The following DHX35 variants were observed in gnomAD, a reference collection of about 807,000 sequenced individuals.
The protein encoded by DHX35 is probable ATP-dependent RNA helicase DHX35.
Under a neutral mutation model 99.6 loss-of-function variants are expected in DHX35, and 84 were observed. The ratio of observed to expected loss-of-function variants is 0.84; its 90% CI spans 0.71 to 1.01. The LOEUF (loss-of-function observed/expected upper bound fraction) is 1.01. Ranked by LOEUF, DHX35 falls within the 50% of genes least tolerant of loss-of-function variation. The pLI, the probability that DHX35 is intolerant of heterozygous loss-of-function variation, is 0.00. For missense variants in DHX35, 852 were observed against 888.5 expected (o/e 0.96, Z 0.52); for synonymous variants, 331 against 316.2 (o/e 1.05, Z -0.50).
chr20:39,030,461 T>G lies in DHX35; in HGVS notation c.1884-243T>G, dbSNP rs367699074. ...GGCAGAGCATTTTATTCCTAAATGT[T>G]TTTTCTAAGTGTCCGCGTGTTGCTT... On this transcript the variant is annotated intron_variant, in intron 19 of 21. Transcript: ENST00000252011. The G allele has an allele frequency of 6.5e-5, 33 of 509,402 alleles. 1 individual carries two copies. The highest frequency in any genetic ancestry group is 6.3e-4 in the African/African-American group (33 of 52,212). The allele number at this position is 509,402 out of a possible 1,614,324, so 31.6% of individuals were successfully genotyped here. A position where few individuals can be genotyped will look rare whatever the true frequency, so the allele number is the denominator to read the frequency against.
At chr20:38,982,926 T>A (rs1003372257) in intron 3 of DHX35, among the ~76,000 whole-genome samples, 20 of 133,078 alleles carry the variant, frequency 1.5e-4, no homozygotes, top group African/African-American at 4.8e-4. Context: ...CTTAATCAAA[T>A]TTTTTTTTTT....
chr20:38,979,317 A>G (rs2145851112), intron 3 of DHX35, among the ~76,000 whole-genome samples: 1 of 152,312 alleles, frequency 6.6e-6, no homozygotes, highest in African/African-American at 2.4e-5. Flanking sequence ...AGATATTTTT[A>G]TAGAATAAAT....
At chr20:38,970,857 A>C (rs906975139) in intron 2 of DHX35, among the ~76,000 whole-genome samples, 1 of 152,160 alleles carries the variant, frequency 6.6e-6, no homozygotes, top group African/African-American at 2.4e-5. Flanking sequence ...AAAAAAAAAA[A>C]AGCAACAAGA....
At chr20:38,970,143 G>A (rs895344535) in intron 2 of DHX35, among the ~76,000 whole-genome samples, 2 of 152,084 alleles carry the variant, frequency 1.3e-5, no homozygotes, top group East Asian at 1.9e-4. Context: ...GGCTGGTCAC[G>A]AACCCCTGAG....
At chr20:38,966,303 T>C (rs1601353650) in intron 1 of DHX35, among the ~76,000 whole-genome samples, 1 of 152,358 alleles carries the variant, frequency 6.6e-6, no homozygotes, top group Non-Finnish European at 1.5e-5. Flanking sequence ...GCAGCCCTGA[T>C]GTTCTGGTTT....
chr20:38,983,818 C>G (rs1295507159), intron 4 of DHX35, 42 bp downstream of exon 4: 1 of 1,551,316 alleles, frequency 6.4e-7, no homozygotes, highest in Non-Finnish European at 8.8e-7. Context: ...TCTGTGTTGT[C>G]TACATTTGTG....
intron 18 of DHX35, among the ~76,000 whole-genome samples, chr20:39,027,131 A>G (rs939393047): frequency 5.9e-5 from 9 of 152,176 alleles, no homozygotes; most frequent in African/African-American, 2.2e-4. Flanking sequence ...ACCCCTGTTT[A>G]GAGTGCATAT....
chr20:38,972,290 C>A lies in DHX35; in HGVS notation c.175-269C>A, dbSNP rs2086013830. The stretch of plus-strand genomic sequence containing the variant: ...CCTCCCAAAGTGCTGGGATTGCAGG[C>A]GTGAGCCACCTCACCCGGCCTATAA... On this transcript the variant is annotated intron_variant, in intron 2 of 21. Transcript: ENST00000252011. Among the ~76,000 whole-genome samples the A allele has an allele frequency of 2.0e-5, 3 of 151,996 alleles. No individual in the cohort carries two copies. In the South Asian group the frequency reaches 6.2e-4, roughly 32 times the overall value.
intron 3 of DHX35, among the ~76,000 whole-genome samples, chr20:38,981,041 A>G (rs1478932219): frequency 6.6e-6 from 1 of 152,216 alleles, no homozygotes; most frequent in Non-Finnish European, 1.5e-5. Context: ...CAAGAATACT[A>G]CAGAAATGAT....
At position 38,991,498 on chromosome 20, in the gene DHX35, G is replaced by A. The variant is rs757026323; in HGVS notation, c.495G>A (p.Pro165=). The A allele has an allele frequency of 2.5e-5, 40 of 1,613,318 alleles. 1 individual carries two copies. Among genetic ancestry groups the A allele is most frequent in the East Asian group, 2.2e-4 (10 of 44,816 alleles). ...TGGTCAGGGAAATGATGGTTGATCC[G>A]TTGTTAACAAAATATAGGTAAATGT... ...GMLVREMMVD[P]LLTKYSVIML... Residue 165 remains proline, a synonymous_variant, in exon 6 of 22, where the codon CCG becomes CCA. Coordinates refer to ENST00000252011, the MANE Select transcript of DHX35 (RefSeq NM_021931.4).
At chr20:38,977,855 AT>A in intron 3 of DHX35, 8 of 563,830 alleles carry the variant, frequency 1.4e-5, no homozygotes, top group South Asian at 1.4e-5. Context: ...ACTTTTGTGC[AT>A]TTTTTGGCTG....
chr20:39,034,537 GA>G (rs933202669), intron 21 of DHX35, among the ~76,000 whole-genome samples: 14 of 148,810 alleles, frequency 9.4e-5, no homozygotes, highest in Admixed American at 9.3e-4. Flanking sequence ...AATCTCATAA[GA>G]AAAAAAAGGT....
chr20:39,037,159 A>G (rs1363707335), intron 21 of DHX35, among the ~76,000 whole-genome samples: 1 of 152,196 alleles, frequency 6.6e-6, no homozygotes, highest in Non-Finnish European at 1.5e-5. Context: ...GTCATCTCCC[A>G]TCCCCAAGCT....
chr20:38,992,270 A>G, intron 6 of DHX35, 86 bp from the exon 7 acceptor site: 7 of 1,123,252 alleles, frequency 6.2e-6, no homozygotes, highest in Non-Finnish European at 9.4e-6. Context: ...TATGAGGACT[A>G]AATACCCAGA....
intron 20 of DHX35, among the ~76,000 whole-genome samples, chr20:39,032,492 C>T (rs749481272): frequency 1.3e-5 from 2 of 152,018 alleles, no homozygotes; most frequent in Admixed American, 6.6e-5. Flanking sequence ...ATTTTAAAGA[C>T]GACAACAACT....
At chr20:39,030,458 T>C in intron 19 of DHX35, 3 of 506,810 alleles carry the variant, frequency 5.9e-6, no homozygotes, top group South Asian at 5.2e-5. Flanking sequence ...TATTCCTAAA[T>C]GTTTTTTCTA....
At position 39,034,281 on chromosome 20, in the gene DHX35, G is replaced by C. The variant is rs773389632; in HGVS notation, c.2031G>C (p.Leu677=). ...RDVTAIESAW[L]LELAPHFYQQ... ...TGACTGCCATTGAATCGGCCTGGCT[G>C]TTGGAGCTGGCTCCACACTTTTATC... The change falls in exon 21 of 22, where the codon CTG becomes CTC. Residue 677 remains leucine (L), a synonymous_variant. Transcript: ENST00000252011. 2 of 1,614,190 alleles carry C rather than the reference G, an allele frequency of 1.2e-6. No homozygotes were observed. Among genetic ancestry groups the C allele is most frequent in the Non-Finnish European group, 1.7e-6 (2 of 1,180,032 alleles).
chr20:39,027,802 A>T lies in DHX35; in HGVS notation c.1802-616A>T, dbSNP rs528775947. On this transcript the variant is annotated intron_variant, in intron 18 of 21. Transcript: ENST00000252011. ...CGAGTCTTAAAATTGATGAGATGTGATATGTCATTAACCATAAAAATAACA... is the reference window on the plus strand; with the variant it reads ...CGAGTCTTAAAATTGATGAGATGTGTTATGTCATTAACCATAAAAATAACA... Among the ~76,000 whole-genome samples the T allele has an allele frequency of 6.5e-4, 99 of 152,386 alleles. 1 individual carries two copies. The highest frequency in any genetic ancestry group is 2.1e-3 in the African/African-American group (89 of 41,594).
chr20:38,967,513 T>C (rs1263577455), intron 1 of DHX35, among the ~76,000 whole-genome samples: 5 of 152,264 alleles, frequency 3.3e-5, no homozygotes, highest in Admixed American at 3.3e-4. Flanking sequence ...CATTTACTTA[T>C]TACTCCTAGT....
Sources: allele counts gnomAD v4.1 joint callset (sites outside exome capture counted in the v4.1 genomes callset), GRCh38; gene constraint gnomAD v4.1.1; transcripts MANE v1.5; gene names NCBI Gene and HGNC (gene_info 2026-07-23, HGNC 2026-07-21).